KLHL1: variants seen among roughly 807,000 people sequenced by gnomAD.
KLHL1 encodes kelch like family member 1, also known as kelch-like protein 1.
KLHL1 carries 47 observed loss-of-function variants against 77.7 expected under a neutral mutation model. That is an observed-to-expected ratio of 0.60 (90% confidence interval 0.48 to 0.77). KLHL1 has a LOEUF of 0.77. Ranked by LOEUF, KLHL1 falls within the 30% of genes least tolerant of loss-of-function variation. The pLI is 0.00. For missense variants in KLHL1, 925 were observed against 910.8 expected (o/e 1.02, Z -0.20); for synonymous variants, 360 against 325.2 (o/e 1.11, Z -1.15).
Position 69,839,008 on chromosome 13 carries a change from A to G in KLHL1, c.1382T>C (p.Leu461Ser). Residue 461 changes from leucine to serine, a missense_variant, in exon 6 of 11, where the codon TTG (leucine) becomes TCG (serine). Transcript: ENST00000377844. ...GTTATCCATTCCTCCTACAGCATAC[A>G]AAGTTCCGACTGTAGATTTTCTGGG... is the stretch of plus-strand genomic sequence containing the variant. ...TKPRKSTVGT[L>S]YAVGGMDNNK... 3 of 1,609,328 alleles carry G rather than the reference A, an allele frequency of 1.9e-6. No homozygotes were observed. Among genetic ancestry groups the G allele is most frequent in the Non-Finnish European group, 2.5e-6 (3 of 1,177,536 alleles).
chr13:69,725,391 T>C lies in KLHL1; in HGVS notation c.1803-5810A>G, dbSNP rs553351378. On this transcript the variant is annotated intron_variant, in intron 8 of 10. Coordinates refer to ENST00000377844, the MANE Select transcript of KLHL1 (RefSeq NM_020866.3). Reference sequence around the variant, plus strand: ...AGGAAAATTGGAAGAAGGAGCACCATCCCTCCCTTAAAGAGTCCATCTTTT... The same window carrying C: ...AGGAAAATTGGAAGAAGGAGCACCACCCCTCCCTTAAAGAGTCCATCTTTT... Among the ~76,000 whole-genome samples the C allele has an allele frequency of 3.3e-5, 5 of 152,148 alleles. No individual in the cohort carries two copies. The East Asian group carries it at 9.7e-4, about 29-fold the overall frequency.
intron 10 of KLHL1, 45 bp downstream of exon 10, chr13:69,707,580 A>G: frequency 6.4e-7 from 1 of 1,556,220 alleles, no homozygotes. Context: ...AGTAAATGAA[A>G]TAAATTCTTA....
chr13:69,779,591 TAAAATGAGAG>T (rs1425382112), intron 7 of KLHL1, among the ~76,000 whole-genome samples: 1 of 151,972 alleles, frequency 6.6e-6, no homozygotes, highest in Non-Finnish European at 1.5e-5. Context: ...CAGAAACTGA[TAAAATGAGAG>T]AAAATGAACA....
intron 1 of KLHL1, among the ~76,000 whole-genome samples, chr13:70,088,003 G>A (rs1887586559): frequency 6.6e-6 from 1 of 152,108 alleles, no homozygotes; most frequent in Admixed American, 6.6e-5. Flanking sequence ...GTTGATAGGT[G>A]CAGCAAATCA....
intron 4 of KLHL1, among the ~76,000 whole-genome samples, chr13:69,926,623 C>T (rs970462387): frequency 2.6e-5 from 4 of 151,764 alleles, no homozygotes; most frequent in Admixed American, 2.0e-4. Flanking sequence ...ATATAGGGAA[C>T]CAAAAATAGT....
intron 1 of KLHL1, among the ~76,000 whole-genome samples, chr13:70,054,409 G>A (rs1298727834): frequency 6.6e-6 from 1 of 152,022 alleles, no homozygotes; most frequent in East Asian, 1.9e-4. Flanking sequence ...TTCATCCTCT[G>A]CATGTAGCAG....
intron 9 of KLHL1, among the ~76,000 whole-genome samples, chr13:69,711,512 T>C (rs1268357956): frequency 6.6e-6 from 1 of 152,136 alleles, no homozygotes; most frequent in Non-Finnish European, 1.5e-5. Context: ...ACTTTTATTT[T>C]TTCCTGTAAA....
chr13:69,776,910 A>G (rs568330801), intron 7 of KLHL1, among the ~76,000 whole-genome samples: 2 of 152,250 alleles, frequency 1.3e-5, no homozygotes, highest in East Asian at 3.9e-4. Flanking sequence ...AAGCTTTTTA[A>G]TTCAATAATA....
chr13:69,739,981 A>G (rs907754409), intron 8 of KLHL1, among the ~76,000 whole-genome samples: 2 of 152,160 alleles, frequency 1.3e-5, no homozygotes, highest in Non-Finnish European at 2.9e-5. Flanking sequence ...TTCTTTCAAC[A>G]AAGACTCATC....
At chr13:69,904,659 T>G (rs563653421) in intron 4 of KLHL1, among the ~76,000 whole-genome samples, 8 of 152,268 alleles carry the variant, frequency 5.3e-5, no homozygotes, top group Admixed American at 1.3e-4. Context: ...TTGTGAAAAC[T>G]CAAACACAGA....
chr13:69,969,860 G>C lies in KLHL1; in HGVS notation c.680+5760C>G, dbSNP rs568311675. Reference sequence around the variant, plus strand: ...GAACCTGGAGTAAAACATGCATAAAGAAGTATATGCATGCAACCACACTAG... The same window carrying C: ...GAACCTGGAGTAAAACATGCATAAACAAGTATATGCATGCAACCACACTAG... On this transcript the variant is annotated intron_variant, in intron 2 of 10. Coordinates refer to ENST00000377844, the MANE Select transcript of KLHL1 (RefSeq NM_020866.3). Among the ~76,000 whole-genome samples the C allele has an allele frequency of 4.9e-4, 74 of 152,242 alleles. No homozygotes were observed. The South Asian group carries it at 0.012, about 25-fold the overall frequency.
intron 1 of KLHL1, among the ~76,000 whole-genome samples, chr13:70,024,078 T>C (rs1025713785): frequency 6.6e-5 from 10 of 151,914 alleles, no homozygotes; most frequent in Non-Finnish European, 1.0e-4. Flanking sequence ...ATTGTTGATA[T>C]GTTTTACGAG....
chr13:70,076,374 A>T (rs1156817072), intron 1 of KLHL1, among the ~76,000 whole-genome samples: 1 of 135,828 alleles, frequency 7.4e-6, no homozygotes, highest in Non-Finnish European at 1.6e-5. Flanking sequence ...CATGCCAGTG[A>T]GGAAAGGATA....
chr13:70,020,985 C>T lies in KLHL1; in HGVS notation c.498-45183G>A, dbSNP rs569617644. Among the ~76,000 whole-genome samples the T allele has an allele frequency of 4.6e-5, 7 of 152,200 alleles. No homozygotes were observed. In the East Asian group the frequency reaches 1.4e-3, roughly 29 times the overall value. ...CCTCCCCTATTATCAACATCCCCCACCAGAGTGATACATTCACTATAATTG... is the reference window on the plus strand; with the variant it reads ...CCTCCCCTATTATCAACATCCCCCATCAGAGTGATACATTCACTATAATTG... On this transcript the variant is annotated intron_variant, in intron 1 of 10. Transcript: ENST00000377844.
intron 4 of KLHL1, among the ~76,000 whole-genome samples, chr13:69,895,526 A>G (rs1881602486): frequency 6.6e-6 from 1 of 152,136 alleles, no homozygotes. Flanking sequence ...GCTGTAACAA[A>G]TCACCATAAA....
chr13:69,859,171 T>C (rs1012882914), intron 5 of KLHL1, among the ~76,000 whole-genome samples: 1 of 152,066 alleles, frequency 6.6e-6, no homozygotes, highest in African/African-American at 2.4e-5. Context: ...CCTCAACTAT[T>C]GTAATACCTT....
chr13:69,733,035 T>C (rs1259256021), intron 8 of KLHL1, among the ~76,000 whole-genome samples: 1 of 152,168 alleles, frequency 6.6e-6, no homozygotes, highest in Non-Finnish European at 1.5e-5. Context: ...TGTTATTTTG[T>C]TGATTTTTGG....
intron 4 of KLHL1, among the ~76,000 whole-genome samples, chr13:69,939,173 T>C (rs1883271883): frequency 1.3e-5 from 2 of 151,000 alleles, no homozygotes; most frequent in Admixed American, 6.6e-5. Flanking sequence ...GGATAGGTAA[T>C]ATGATGGGTA....
chr13:69,773,882 T>TATATATATATAC (rs1491245358), intron 7 of KLHL1, among the ~76,000 whole-genome samples: 1 of 146,916 alleles, frequency 6.8e-6, no homozygotes, highest in African/African-American at 2.5e-5. Flanking sequence ...TATATATATA[T>TATATATATATAC]ACATAGAATA....
Sources: allele counts gnomAD v4.1 joint callset (sites outside exome capture counted in the v4.1 genomes callset), GRCh38; gene constraint gnomAD v4.1.1; transcripts MANE v1.5; gene names NCBI Gene and HGNC (gene_info 2026-07-23, HGNC 2026-07-21).